The following GRIK2 variants were observed in gnomAD, a reference collection of about 807,000 sequenced individuals.
The protein encoded by GRIK2 is glutamate receptor ionotropic, kainate 2.
A neutral mutation model predicts 100.3 loss-of-function variants in GRIK2; 32 were observed. That is an observed-to-expected ratio of 0.32 (90% confidence interval 0.24 to 0.43). The LOEUF (loss-of-function observed/expected upper bound fraction) is 0.43. Among genes scored for constraint, GRIK2 ranks in the 20% least tolerant of loss-of-function variants. The pLI, the probability that GRIK2 is intolerant of heterozygous loss-of-function variation, is 1.00. For missense variants in GRIK2, 843 were observed against 1,114.9 expected (o/e 0.76, Z 3.47); for synonymous variants, 417 against 389.4 (o/e 1.07, Z -0.83).
intron 2 of GRIK2, among the ~76,000 whole-genome samples, chr6:101,553,822 CA>C (rs1776619340): frequency 6.6e-6 from 1 of 152,160 alleles, no homozygotes; most frequent in Non-Finnish European, 1.5e-5. Flanking sequence ...GTAATAAGAA[CA>C]AAGGCTAAAA....
intron 7 of GRIK2, among the ~76,000 whole-genome samples, chr6:101,695,427 T>C (rs1267546171): frequency 6.6e-6 from 1 of 152,154 alleles, no homozygotes; most frequent in East Asian, 1.9e-4. Flanking sequence ...AGTTTCAACA[T>C]GAATTTTGGA....
In GRIK2 at chr6:101,861,794, T is replaced by C. The variant is rs531125847; in HGVS notation, c.1524+2301T>C. Among the ~76,000 whole-genome samples the C allele has an allele frequency of 7.9e-5, 12 of 152,278 alleles. No individual in the cohort carries two copies. In the East Asian group the frequency reaches 1.9e-3, roughly 24 times the overall value. On this transcript the variant is annotated intron_variant, in intron 11 of 16. Coordinates refer to ENST00000369134, the MANE Select transcript of GRIK2 (RefSeq NM_021956.5). ...GGGACAAAGCTCTTGACCCCTAAAGTTTTGATGAAAATCACTGATAATGAG... is the reference window on the plus strand; with the variant it reads ...GGGACAAAGCTCTTGACCCCTAAAGCTTTGATGAAAATCACTGATAATGAG...
At chr6:101,836,668 T>A (rs1312577132) in intron 10 of GRIK2, among the ~76,000 whole-genome samples, 4,284 of 114,040 alleles carry the variant, frequency 0.038, 122 homozygotes, top group Non-Finnish European at 0.048. Context: ...TATATTTTTT[T>A]TTTTTTTTTT....
At chr6:101,510,446 A>G (rs901850686) in intron 2 of GRIK2, among the ~76,000 whole-genome samples, 10 of 147,074 alleles carry the variant, frequency 6.8e-5, no homozygotes, top group African/African-American at 2.5e-4. Context: ...CAAAAGTGTA[A>G]TTGTGTTGTA....
At chr6:101,497,555 C>T (rs921521377) in intron 2 of GRIK2, among the ~76,000 whole-genome samples, 1 of 151,526 alleles carries the variant, frequency 6.6e-6, no homozygotes, top group Admixed American at 6.6e-5. Context: ...TTTGTTCCAC[C>T]AGATGGGAGG....
intron 2 of GRIK2, among the ~76,000 whole-genome samples, chr6:101,441,788 C>T (rs1770080834): frequency 6.6e-6 from 1 of 152,118 alleles, no homozygotes; most frequent in South Asian, 2.1e-4. Context: ...TTCCTTCAAA[C>T]TTTTACCCTC....
chr6:101,563,198 A>T (rs80352847), intron 2 of GRIK2, among the ~76,000 whole-genome samples: 2,599 of 152,268 alleles, frequency 0.017, 76 homozygotes, highest in African/African-American at 0.059. Flanking sequence ...GGCATGAAGG[A>T]TAAGACAGTG....
chr6:101,858,019 T>G (rs1428140127), intron 10 of GRIK2, among the ~76,000 whole-genome samples: 2 of 152,244 alleles, frequency 1.3e-5, no homozygotes, highest in African/African-American at 2.4e-5. Flanking sequence ...TTTCAGAGTT[T>G]CAAGTGTCTA....
intron 14 of GRIK2, among the ~76,000 whole-genome samples, chr6:102,015,908 T>G: frequency 6.6e-6 from 1 of 152,120 alleles, no homozygotes; most frequent in East Asian, 1.9e-4. Flanking sequence ...CTTGGCACCC[T>G]TAAATCTTCC....
At chr6:102,036,813 A>C (rs1287463686) in intron 15 of GRIK2, among the ~76,000 whole-genome samples, 3 of 151,422 alleles carry the variant, frequency 2.0e-5, no homozygotes, top group African/African-American at 7.3e-5. Flanking sequence ...TTAGAGTAGC[A>C]ACAGGAAACT....
chr6:101,845,077 G>A (rs977632928), intron 10 of GRIK2, among the ~76,000 whole-genome samples: 2 of 152,014 alleles, frequency 1.3e-5, no homozygotes, highest in Non-Finnish European at 2.9e-5. Context: ...CTGGAGAGTA[G>A]TGGTGCTATC....
chr6:102,044,693 G>A lies in GRIK2; in HGVS notation c.2311+9127G>A, dbSNP rs1352823242. On this transcript the variant is annotated intron_variant, in intron 15 of 16. Transcript: ENST00000369134. ...AACAATTCAAAATGAGATTTGGGTG[G>A]GGACACAGAGCCAAACCATATCATT... is the stretch of plus-strand genomic sequence containing the variant. 2.6e-5 allele frequency among the ~76,000 whole-genome samples: 4 copies of A among 151,890 alleles called. No individual in the cohort carries two copies. The East Asian group carries it at 7.8e-4, about 30-fold the overall frequency.
chr6:102,004,953 G>A (rs752367450), intron 14 of GRIK2, among the ~76,000 whole-genome samples: 1 of 150,870 alleles, frequency 6.6e-6, no homozygotes, highest in Non-Finnish European at 1.5e-5. Flanking sequence ...TTAATTTCTG[G>A]CATAAAAATA....
At chr6:101,780,933 A>C (rs755595086) in intron 7 of GRIK2, among the ~76,000 whole-genome samples, 1 of 152,208 alleles carries the variant, frequency 6.6e-6, no homozygotes, top group Non-Finnish European at 1.5e-5. Context: ...GGTTATAAGA[A>C]TGTCCTTTGA....
At chr6:101,563,186 G>A (rs1173943297) in intron 2 of GRIK2, among the ~76,000 whole-genome samples, 1 of 152,126 alleles carries the variant, frequency 6.6e-6, no homozygotes, top group Admixed American at 6.6e-5. Flanking sequence ...AGTGAAAACT[G>A]AGGCATGAAG....
intron 14 of GRIK2, among the ~76,000 whole-genome samples, chr6:101,952,823 G>T (rs143684576): frequency 0.04 from 6,026 of 151,986 alleles, 432 homozygotes; most frequent in African/African-American, 0.14. Context: ...AGGATGGTCT[G>T]GATCTCCTGA....
chr6:101,913,921 T>G (rs1788925041), intron 12 of GRIK2, among the ~76,000 whole-genome samples: 1 of 151,422 alleles, frequency 6.6e-6, no homozygotes, highest in African/African-American at 2.4e-5. Flanking sequence ...AGGTTAGAGT[T>G]TATAAAAAAG....
intron 2 of GRIK2, among the ~76,000 whole-genome samples, chr6:101,601,042 G>A (rs936124189): frequency 1.3e-5 from 2 of 151,328 alleles, no homozygotes; most frequent in African/African-American, 4.8e-5. Context: ...TGCCCATTTG[G>A]TATGATGTTG....
At chr6:101,767,909 G>A (rs142561158) in intron 7 of GRIK2, among the ~76,000 whole-genome samples, 2 of 152,054 alleles carry the variant, frequency 1.3e-5, no homozygotes, top group African/African-American at 4.8e-5. Flanking sequence ...CCAGGCCGGA[G>A]TGCAGTGGTG....
Sources: gnomAD v4.1 joint callset for allele counts (sites outside exome capture counted in the v4.1 genomes callset) on GRCh38, gnomAD v4.1.1 for gene constraint, MANE v1.5 for transcripts, NCBI Gene and HGNC (gene_info 2026-07-23, HGNC 2026-07-21) for gene names.